Variants in FCRL5 observed in about 807,000 individuals in gnomAD.
FCRL5 encodes Fc receptor like 5, also known as Fc receptor-like protein 5.
FCRL5 carries 79 observed loss-of-function variants against 92.1 expected under a neutral mutation model. That is an observed-to-expected ratio of 0.86 (90% CI 0.72 to 1.03). The LOEUF (loss-of-function observed/expected upper bound fraction) is 1.03, where lower values mean the gene tolerates loss of function less well. FCRL5 is among the 50% of genes least tolerant of loss of function. FCRL5 has a pLI of 0.00. For synonymous variants in FCRL5, 466 were observed against 469.3 expected, an observed-to-expected ratio of 0.99 and a Z score of 0.09; for missense variants, 1,160 against 1,181.1, an observed-to-expected ratio of 0.98 and a Z score of 0.26.
rs7543440 is a variant in FCRL5 at position 157,549,805 on chromosome 1, G to T, written c.32-225C>A. ...ACTTCTACAATGAATTTTAAAAATG[G>T]TATCTGCCATCAAGAAGTTGACTAG... On this transcript the variant is annotated intron_variant, in intron 1 of 16. Coordinates refer to ENST00000361835, the MANE Select transcript of FCRL5 (RefSeq NM_031281.3). 8.3e-3 allele frequency among the ~76,000 whole-genome samples: 1,255 copies of T among 151,810 alleles called. 8 individuals carry two copies. Among genetic ancestry groups the T allele is most frequent in the Non-Finnish European group, 0.013 (857 of 67,902 alleles).
At chr1:157,518,917 C>T (rs930284942) in intron 13 of FCRL5, 135 bp from the exon 14 acceptor site, 5 of 599,844 alleles carry the variant, frequency 8.3e-6, no homozygotes, top group African/African-American at 3.7e-5. Context: ...AACAAACTGA[C>T]CATGGGCATT....
intron 1 of FCRL5, among the ~76,000 whole-genome samples, chr1:157,549,976 T>C (rs1327438566): frequency 6.6e-6 from 1 of 152,146 alleles, no homozygotes; most frequent in Non-Finnish European, 1.5e-5. Flanking sequence ...TGTTTGTGTG[T>C]ACATGTGTTG....
intron 1 of FCRL5, among the ~76,000 whole-genome samples, chr1:157,551,069 G>T (rs1387974552): frequency 3.3e-5 from 5 of 152,202 alleles, no homozygotes; most frequent in Non-Finnish European, 5.9e-5. Flanking sequence ...TTTAAATGAA[G>T]CTAATATTTT....
chr1:157,515,810 G>C lies in FCRL5; in HGVS notation c.2844+32C>G, dbSNP rs774305376. 9 of 1,613,594 alleles carry C rather than the reference G, an allele frequency of 5.6e-6. No individual in the cohort carries two copies. The South Asian group carries it at 8.8e-5, about 16-fold the overall frequency. On this transcript the variant is annotated intron_variant, in intron 16 of 16. Coordinates refer to ENST00000361835, the MANE Select transcript of FCRL5 (RefSeq NM_031281.3). ...CGTGAGGACCAGGGTGGGCCTGGGGGTGGGGGAGGGCATGCAGAAGGGGAG... is the reference window on the plus strand; with the variant it reads ...CGTGAGGACCAGGGTGGGCCTGGGGCTGGGGGAGGGCATGCAGAAGGGGAG...
intron 7 of FCRL5, 75 bp from the exon 8 acceptor site, chr1:157,534,967 T>G (rs1650900367): frequency 1.4e-6 from 2 of 1,395,108 alleles, no homozygotes; most frequent in African/African-American, 2.9e-5. Flanking sequence ...CCAGTGCAGA[T>G]GCCCAGTCTC....
rs1325511001 is a variant in FCRL5 at position 157,548,909 on chromosome 1, A to G, written c.52+651T>C. ...TCAGGGATCTAGAAGCAGAAATACC[A>G]TTTGACCCAGCCATCCCATTACCAG... On this transcript the variant is annotated intron_variant, in intron 2 of 16. Transcript: ENST00000361835. Among the ~76,000 whole-genome samples, 3 of 152,294 alleles carry G rather than the reference A, an allele frequency of 2.0e-5. No homozygotes were observed. In the East Asian group the frequency reaches 5.8e-4, roughly 29 times the overall value.
chr1:157,521,002 G>A lies in FCRL5; in HGVS notation c.2515+15C>T, dbSNP rs199960121. On this transcript the variant is annotated intron_variant, in intron 11 of 16. Coordinates refer to ENST00000361835, the MANE Select transcript of FCRL5 (RefSeq NM_031281.3). The stretch of plus-strand genomic sequence containing the variant: ...CATTTTGTCCGCATCTGTGGCCCGG[G>A]CACGGGAAACTTACCTGTGATATAA... 204 of 1,587,196 alleles carry A rather than the reference G, an allele frequency of 1.3e-4. No individual in the cohort carries two copies. The highest frequency in any genetic ancestry group is 8.8e-5 in the Admixed American group (5 of 56,946).
intron 3 of FCRL5, 128 bp from the exon 4 acceptor site, chr1:157,545,210 T>C (rs570463592): frequency 1.8e-6 from 2 of 1,112,738 alleles, no homozygotes; most frequent in Admixed American, 6.0e-5. Flanking sequence ...AATTATCATT[T>C]CTTTTTTTCT....
At chr1:157,517,445 T>C (rs758125672) in intron 15 of FCRL5, among the ~76,000 whole-genome samples, 4 of 152,116 alleles carry the variant, frequency 2.6e-5, no homozygotes, top group Non-Finnish European at 4.4e-5. Flanking sequence ...GATAGGGAGA[T>C]TATTCTGGGT....
chr1:157,520,329 G>T, intron 12 of FCRL5, 102 bp downstream of exon 12: 1 of 788,118 alleles, frequency 1.3e-6, no homozygotes, highest in Non-Finnish European at 2.1e-6. Flanking sequence ...GAGCGGATGA[G>T]CTCTTGCGAG....
chr1:157,518,013 G>A (rs1389733442), intron 15 of FCRL5, among the ~76,000 whole-genome samples: 1 of 152,142 alleles, frequency 6.6e-6, no homozygotes, highest in Non-Finnish European at 1.5e-5. Flanking sequence ...ACCTGACCAT[G>A]CTGGCACCTT....
chr1:157,531,404 G>A (rs1469649176), intron 8 of FCRL5, among the ~76,000 whole-genome samples: 2 of 152,154 alleles, frequency 1.3e-5, no homozygotes, highest in Non-Finnish European at 2.9e-5. Flanking sequence ...ACAAGAAACA[G>A]CATGGAAGTT....
At chr1:157,525,555 C>T (rs561675208) in intron 9 of FCRL5, among the ~76,000 whole-genome samples, 5 of 152,172 alleles carry the variant, frequency 3.3e-5, no homozygotes, top group South Asian at 4.2e-4. Flanking sequence ...CAAATTTGTC[C>T]CTTTTAAAAG....
chr1:157,542,961 T>C lies in FCRL5; in HGVS notation c.1021A>G (p.Ile341Val). 1 of 1,614,240 alleles carries C rather than the reference T, an allele frequency of 6.2e-7. No individual in the cohort carries two copies. The highest frequency in any genetic ancestry group is 1.1e-5 in the South Asian group (1 of 91,084). The change falls in exon 6 of 17, where the codon ATC (isoleucine) becomes GTC (valine). Residue 341 changes from isoleucine (I) to valine (V), a missense_variant. Transcript: ENST00000361835. Reference sequence around the variant, plus strand: ...TTCTCTGTAGTCAGTGAGAAGCTGATGGATGCTCCCCTTTCACAGCGGACT... The same window carrying C: ...TTCTCTGTAGTCAGTGAGAAGCTGACGGATGCTCCCCTTTCACAGCGGACT... Reference protein sequence around the residue: ...KSVRCERGASISFSLTTENSG... With the variant: ...KSVRCERGASVSFSLTTENSG...
At position 157,539,167 on chromosome 1, in the gene FCRL5, C is replaced by A. The variant is rs763174950; in HGVS notation, c.1321G>T (p.Glu441Ter). Residue 441 changes from glutamate to a stop codon, truncating the protein, a stop_gained, in exon 7 of 17, where the codon GAG (glutamate) becomes TAG (stop). Transcript: ENST00000361835. LOFTEE classifies it high-confidence loss of function. ...GTGCAGTAGTAGTTCCCTGAATGCTCTGCAGTCAGAGAGAAGCTGATGGCC... is the reference window on the plus strand; with the variant it reads ...GTGCAGTAGTAGTTCCCTGAATGCTATGCAGTCAGAGAGAAGCTGATGGCC... ...GVAISFSLTA[E>*]HSGNYYCTAD... The A allele has an allele frequency of 3.1e-6, 5 of 1,614,214 alleles. No individual in the cohort carries two copies. In the South Asian group the frequency reaches 5.5e-5, roughly 18 times the overall value.
intron 1 of FCRL5, among the ~76,000 whole-genome samples, chr1:157,550,906 C>G (rs952477578): frequency 6.6e-6 from 1 of 152,120 alleles, no homozygotes; most frequent in Non-Finnish European, 1.5e-5. Context: ...TACTCCAGAG[C>G]AAGGCAATAG....
chr1:157,550,913 A>G (rs140516933), intron 1 of FCRL5, among the ~76,000 whole-genome samples: 1 of 152,314 alleles, frequency 6.6e-6, no homozygotes, highest in East Asian at 1.9e-4. Context: ...GAGCAAGGCA[A>G]TAGAAATCCA....
intron 3 of FCRL5, among the ~76,000 whole-genome samples, chr1:157,545,495 C>G (rs1651487882): frequency 6.9e-6 from 1 of 145,952 alleles, no homozygotes; most frequent in Non-Finnish European, 1.5e-5. Context: ...TTTTCCTTCA[C>G]TGGCAGTAAT....
chr1:157,519,833 C>G, intron 12 of FCRL5, 63 bp from the exon 13 acceptor site: 1 of 1,539,186 alleles, frequency 6.5e-7, no homozygotes. Context: ...GGGCACAGCT[C>G]AGGCAAGGCT....
Sources: gnomAD v4.1 joint callset for allele counts (sites outside exome capture counted in the v4.1 genomes callset) on GRCh38, gnomAD v4.1.1 for gene constraint, MANE v1.5 for transcripts, NCBI Gene and HGNC (gene_info 2026-07-23, HGNC 2026-07-21) for gene names.